The following IGF2R variants were observed in gnomAD, a reference collection of about 807,000 sequenced individuals.
IGF2R encodes cation-independent mannose-6-phosphate receptor.
A neutral mutation model predicts 270.6 loss-of-function variants in IGF2R; 91 were observed. The ratio of observed to expected loss-of-function variants is 0.34; its 90% CI spans 0.28 to 0.40. The LOEUF (loss-of-function observed/expected upper bound fraction) is 0.40. Among genes scored for constraint, IGF2R ranks in the 10% least tolerant of loss-of-function variants. The pLI is 1.00. For synonymous variants in IGF2R, 1,316 were observed against 1,258.9 expected, an observed-to-expected ratio of 1.05 and a Z score of -0.96; for missense variants, 2,805 against 3,188.3, an observed-to-expected ratio of 0.88 and a Z score of 2.90.
At chr6:160,099,073 G>A (rs1779425901) in intron 45 of IGF2R, among the ~76,000 whole-genome samples, 1 of 152,160 alleles carries the variant, frequency 6.6e-6, no homozygotes, top group African/African-American at 2.4e-5. Flanking sequence ...TAAAAGACAG[G>A]CATCTACAGA....
chr6:160,040,946 C>G (rs1188679047), intron 11 of IGF2R, among the ~76,000 whole-genome samples: 2 of 152,182 alleles, frequency 1.3e-5, no homozygotes, highest in South Asian at 2.1e-4. Flanking sequence ...TGTTTTCACC[C>G]TTTTACACAC....
chr6:159,972,343 T>C (rs1029333305), intron 1 of IGF2R, among the ~76,000 whole-genome samples: 3 of 152,242 alleles, frequency 2.0e-5, no homozygotes, highest in African/African-American at 7.2e-5. Context: ...TCCAAATGTT[T>C]GTAAATTGGT....
At chr6:160,075,754 C>A in intron 35 of IGF2R, 93 bp from the exon 36 acceptor site, 1 of 1,314,926 alleles carries the variant, frequency 7.6e-7, no homozygotes, top group Non-Finnish European at 1.1e-6. Flanking sequence ...CCTATGAGGT[C>A]TGGTTTTTGC....
At chr6:160,032,124 A>G (rs1777711421) in intron 7 of IGF2R, among the ~76,000 whole-genome samples, 1 of 152,170 alleles carries the variant, frequency 6.6e-6, no homozygotes, top group Admixed American at 6.5e-5. Context: ...TCAGGGTTGC[A>G]CCACTCCAGT....
At chr6:159,973,320 A>G (rs1023339667) in intron 1 of IGF2R, among the ~76,000 whole-genome samples, 4 of 152,210 alleles carry the variant, frequency 2.6e-5, no homozygotes, top group Non-Finnish European at 5.9e-5. Context: ...TGTTAACAAG[A>G]TGCTTAATGG....
At chr6:160,065,568 C>G (rs111867737) in intron 29 of IGF2R, among the ~76,000 whole-genome samples, 1,894 of 151,916 alleles carry the variant, frequency 0.012, 50 homozygotes, top group African/African-American at 0.043. Context: ...AGTAACCTTA[C>G]CTTTTCCAGT....
At chr6:160,031,296 T>C (rs1316669512) in intron 7 of IGF2R, among the ~76,000 whole-genome samples, 1 of 152,206 alleles carries the variant, frequency 6.6e-6, no homozygotes. Flanking sequence ...GTCATATAGA[T>C]CATTTTAAAA....
intron 1 of IGF2R, among the ~76,000 whole-genome samples, chr6:159,984,964 T>C (rs978701417): frequency 6.6e-6 from 1 of 152,258 alleles, no homozygotes; most frequent in Non-Finnish European, 1.5e-5. Flanking sequence ...TGGGTATGTA[T>C]GTAAAGGAAA....
intron 4 of IGF2R, among the ~76,000 whole-genome samples, chr6:160,012,759 ATATATTTTT>A (rs1436447410): frequency 4.2e-5 from 3 of 71,666 alleles, no homozygotes; most frequent in African/African-American, 1.5e-4. Flanking sequence ...ATATATATAT[ATATATTTTT>A]TTTTTTTTTT....
At chr6:159,971,601 A>G (rs994773519) in intron 1 of IGF2R, among the ~76,000 whole-genome samples, 10 of 152,152 alleles carry the variant, frequency 6.6e-5, no homozygotes, top group Admixed American at 1.3e-4. Context: ...ACCACTTGCA[A>G]TCTCTACTTT....
Position 160,064,884 on chromosome 6 carries a change from G to C in IGF2R, c.4098G>C (p.Leu1366=), listed in dbSNP as rs1311065648. The change falls in exon 29 of 48, where the codon CTG becomes CTC. Residue 1366 remains leucine, a synonymous_variant. Transcript: ENST00000356956. ...RTQYACPPFD[L]TECSFKDGAG... is the part of the protein sequence containing the mutation. Reference sequence around the variant, plus strand: ...AGTATGCCTGCCCACCTTTCGATCTGACTGAATGTTCATTCAAGTAAGTCC... The same window carrying C: ...AGTATGCCTGCCCACCTTTCGATCTCACTGAATGTTCATTCAAGTAAGTCC... The C allele has an allele frequency of 6.2e-7, 1 of 1,610,248 alleles. No individual in the cohort carries two copies. Among genetic ancestry groups the C allele is most frequent in the South Asian group, 1.1e-5 (1 of 91,002 alleles).
rs937607834 is a variant in IGF2R at position 160,107,567 on chromosome 6, C to T, written c.*2483C>T. On this transcript the variant is annotated 3_prime_UTR_variant, in exon 48 of 48. Coordinates refer to ENST00000356956, the MANE Select transcript of IGF2R (RefSeq NM_000876.4). ...AATGATTTTATTGATGGAGTACAACCTGGGTATTTAGCTTCCTTTCAACAA... is the reference window on the plus strand; with the variant it reads ...AATGATTTTATTGATGGAGTACAACTTGGGTATTTAGCTTCCTTTCAACAA... 1 of 152,202 alleles carries T rather than the reference C, an allele frequency of 6.6e-6. No individual in the cohort carries two copies. The highest frequency in any genetic ancestry group is 2.4e-5 in the African/African-American group (1 of 41,450). 9.4% of individuals were successfully genotyped at this position (152,202 alleles called of 1,614,324 possible).
intron 44 of IGF2R, among the ~76,000 whole-genome samples, chr6:160,091,696 A>G (rs1006420986): frequency 6.6e-6 from 1 of 152,208 alleles, no homozygotes; most frequent in African/African-American, 2.4e-5. Flanking sequence ...GTCATTCAGA[A>G]TCAGATGTTG....
chr6:159,972,507 A>G (rs1583234860), intron 1 of IGF2R, among the ~76,000 whole-genome samples: 2 of 152,178 alleles, frequency 1.3e-5, no homozygotes, highest in Admixed American at 6.5e-5. Context: ...TCTCTAAAAG[A>G]TGGAGTTGGA....
Position 160,108,649 on chromosome 6 carries a change from CTCTT to C in IGF2R, c.*3576_*3579del, listed in dbSNP as rs151295764. On this transcript the variant is annotated 3_prime_UTR_variant, in exon 48 of 48. Coordinates refer to ENST00000356956, the MANE Select transcript of IGF2R (RefSeq NM_000876.4). ...ATTCCTTTCCTTTCCTTCCTTTTTC[CTCTT>C]TCTTTCTTTCCTTTTCTCTCTCTCT... 0.1 allele frequency: 15,562 copies of C among 151,084 alleles called. 1,096 individuals carry two copies. Among genetic ancestry groups the C allele is most frequent in the Admixed American group, 0.2 (2,983 of 15,188 alleles). 9.4% of individuals were successfully genotyped at this position (151,084 alleles called of 1,614,324 possible). A position where few individuals can be genotyped will look rare whatever the true frequency, so the allele number is the denominator to read the frequency against.
At chr6:160,017,123 A>G (rs1777317881) in intron 4 of IGF2R, among the ~76,000 whole-genome samples, 1 of 152,358 alleles carries the variant, frequency 6.6e-6, no homozygotes, top group South Asian at 2.1e-4. Flanking sequence ...AGAGATCAGA[A>G]TATCAATCCA....
At chr6:160,049,893 G>T (rs1371357011) in intron 18 of IGF2R, among the ~76,000 whole-genome samples, 2 of 152,194 alleles carry the variant, frequency 1.3e-5, no homozygotes, top group African/African-American at 4.8e-5. Flanking sequence ...TAATTGTAGG[G>T]CAGGCGAATG....
intron 39 of IGF2R, among the ~76,000 whole-genome samples, chr6:160,081,134 A>G (rs1583297290): frequency 6.6e-6 from 1 of 151,982 alleles, no homozygotes; most frequent in East Asian, 1.9e-4. Context: ...TCAAAAAAAA[A>G]AAAAAGAAAA....
At chr6:160,032,430 C>A in intron 7 of IGF2R, 121 bp from the exon 8 acceptor site, 2 of 850,008 alleles carry the variant, frequency 2.4e-6, no homozygotes, top group South Asian at 1.8e-5. Flanking sequence ...ATTCAAAAAA[C>A]AGAAACAGCA....
Sources: gnomAD v4.1 joint callset for allele counts (sites outside exome capture counted in the v4.1 genomes callset) on GRCh38, gnomAD v4.1.1 for gene constraint, MANE v1.5 for transcripts, NCBI Gene and HGNC (gene_info 2026-07-23, HGNC 2026-07-21) for gene names.